Variants in KIAA1217 observed in about 807,000 individuals in gnomAD.
The protein encoded by KIAA1217 is KIAA1217.
In KIAA1217, 88 loss-of-function variants were observed where a neutral mutation model predicts 163.9. The ratio of observed to expected loss-of-function variants is 0.54; its 90% CI spans 0.45 to 0.64. The LOEUF is 0.64. Ranked by LOEUF, KIAA1217 falls within the 30% of genes least tolerant of loss-of-function variation. The pLI is 0.00. For missense variants in KIAA1217, 2,372 were observed against 2,475.0 expected (o/e 0.96, Z 0.88); for synonymous variants, 903 against 923.1 (o/e 0.98, Z 0.39).
intron 2 of KIAA1217, among the ~76,000 whole-genome samples, chr10:24,088,576 G>C (rs1347563633): frequency 5.0e-5 from 6 of 120,048 alleles, no homozygotes; most frequent in African/African-American, 1.5e-4. Flanking sequence ...ATAGTTTGCT[G>C]AGAATGATGG....
intron 1 of KIAA1217, among the ~76,000 whole-genome samples, chr10:23,853,995 T>A (rs1358343634): frequency 6.6e-6 from 1 of 152,194 alleles, no homozygotes; most frequent in Non-Finnish European, 1.5e-5. Flanking sequence ...TTTGAAGGAT[T>A]TTTGTGTCTC....
chr10:23,951,794 ATGGAAAATGGTGACTGT>A (rs1212297347), intron 1 of KIAA1217, among the ~76,000 whole-genome samples: 9 of 152,198 alleles, frequency 5.9e-5, no homozygotes, highest in Non-Finnish European at 2.9e-5. Context: ...CATTTTCCAA[ATGGAAAATGGTGACTGT>A]TTAATTCCTG....
At chr10:24,208,136 T>TTC (rs2067668545), upstream of KIAA1217, among the ~76,000 whole-genome samples, 1 of 151,978 alleles carries the variant, frequency 6.6e-6, no homozygotes, top group Non-Finnish European at 1.5e-5. Context: ...TTTTTTTTTT[T>TTC]TCGGACATCA....
At chr10:24,375,867 A>G (rs532781447) in intron 2 of KIAA1217, among the ~76,000 whole-genome samples, 6 of 152,344 alleles carry the variant, frequency 3.9e-5, no homozygotes, top group African/African-American at 1.4e-4. Context: ...CAATTAACAT[A>G]TTACGTAAAG....
intron 1 of KIAA1217, among the ~76,000 whole-genome samples, chr10:23,744,159 A>G (rs1564384340): frequency 6.6e-6 from 1 of 152,154 alleles, no homozygotes; most frequent in African/African-American, 2.4e-5. Context: ...ATGGGCTTTA[A>G]AGATAGGGGA....
intron 2 of KIAA1217, among the ~76,000 whole-genome samples, chr10:24,186,015 C>T (rs375443475): frequency 6.6e-6 from 1 of 152,058 alleles, no homozygotes; most frequent in African/African-American, 2.4e-5. Context: ...AACATATTTA[C>T]TCTAATTTCT....
intron 1 of KIAA1217, among the ~76,000 whole-genome samples, chr10:23,741,148 G>A (rs1219462642): frequency 6.6e-6 from 1 of 152,130 alleles, no homozygotes; most frequent in Non-Finnish European, 1.5e-5. Context: ...TCTTTCTACT[G>A]AATTAACTAA....
chr10:23,819,040 G>T (rs928035496), intron 1 of KIAA1217, among the ~76,000 whole-genome samples: 4 of 152,184 alleles, frequency 2.6e-5, no homozygotes, highest in Admixed American at 2.6e-4. Context: ...CCATTTTAAA[G>T]TGTGGATTAT....
intron 1 of KIAA1217, among the ~76,000 whole-genome samples, chr10:24,213,314 A>G (rs1231157665): frequency 6.6e-6 from 1 of 152,178 alleles, no homozygotes; most frequent in African/African-American, 2.4e-5. Context: ...CTCTGTCCAC[A>G]GCAGTCCTGA....
intron 1 of KIAA1217, among the ~76,000 whole-genome samples, chr10:23,996,790 T>C (rs1158157774): frequency 6.6e-6 from 1 of 152,220 alleles, no homozygotes; most frequent in East Asian, 1.9e-4. Flanking sequence ...AGTAGATTTT[T>C]CTATAAGCCT....
Position 24,531,866 on chromosome 10 carries a change from T to A in KIAA1217, c.3119T>A (p.Leu1040Gln). The A allele has an allele frequency of 1.9e-6, 3 of 1,607,860 alleles. No homozygotes were observed. The highest frequency in any genetic ancestry group is 2.6e-6 in the Non-Finnish European group (3 of 1,176,446). Residue 1040 changes from leucine (L) to glutamine (Q), a missense_variant, in exon 15 of 21, where the codon CTG becomes CAG. By Grantham distance (113) the Leu-to-Gln change is moderately radical (BLOSUM62 -2). Coordinates refer to ENST00000376454, the MANE Select transcript of KIAA1217 (RefSeq NM_019590.5). The part of the protein sequence containing the change: ...SPNSEQDLEK[L>Q]GGKSPPPPPP... ...AATTCGGAACAGGACTTGGAAAAGC[T>A]GGGGGGAAAGTCGCCCCCTCCTCCT...
chr10:24,469,604 A>T (rs997555886), intron 5 of KIAA1217, among the ~76,000 whole-genome samples: 2 of 152,066 alleles, frequency 1.3e-5, no homozygotes, highest in African/African-American at 4.8e-5. Context: ...AGGGTTCTAG[A>T]TATTATATTG....
At chr10:24,522,075 T>A in intron 12 of KIAA1217, 146 bp downstream of exon 12, 1 of 849,154 alleles carries the variant, frequency 1.2e-6, no homozygotes, top group Non-Finnish European at 1.7e-6. Context: ...TTCTCACCCT[T>A]GAACTTTTAT....
rs183915829 is a variant in KIAA1217, at chr10:23,836,998, C to T, written c.-321+141764C>T. Among the ~76,000 whole-genome samples, 10 of 152,056 alleles carry T rather than the reference C, an allele frequency of 6.6e-5. No homozygotes were observed. In the East Asian group the frequency reaches 1.7e-3, roughly 27 times the overall value. On this transcript the variant is annotated intron_variant, in intron 1 of 18. Coordinates refer to the KIAA1217 transcript ENST00000376462. ...GTGCCCATGAAGTAATTTCTCATTC[C>T]CCACCTCTCATATGCCCAGCAACCC...
At chr10:24,315,931 G>GT (rs987143923) in intron 2 of KIAA1217, among the ~76,000 whole-genome samples, 4 of 66,830 alleles carry the variant, frequency 6.0e-5, no homozygotes, top group Admixed American at 4.5e-4. Context: ...TTATCTAATG[G>GT]GGGGGGGGAA....
At chr10:23,731,206 G>C (rs749941157) in intron 1 of KIAA1217, among the ~76,000 whole-genome samples, 3 of 151,774 alleles carry the variant, frequency 2.0e-5, no homozygotes, top group Non-Finnish European at 4.4e-5. Flanking sequence ...GGGAGGGGAA[G>C]GTGGAACAGA....
At chr10:24,502,240 C>CTTTTTTTTTT (rs772404852) in intron 9 of KIAA1217, among the ~76,000 whole-genome samples, 22 of 80,626 alleles carry the variant, frequency 2.7e-4, no homozygotes, top group Admixed American at 4.7e-4. Context: ...GTCAGCCAAG[C>CTTTTTTTTTT]TTTTTTTTTT....
chr10:24,427,887 G>T (rs2059297531), intron 3 of KIAA1217, among the ~76,000 whole-genome samples: 1 of 152,162 alleles, frequency 6.6e-6, no homozygotes, highest in Non-Finnish European at 1.5e-5. Context: ...TACCTTTCCT[G>T]AATTGAGAAA....
intron 1 of KIAA1217, among the ~76,000 whole-genome samples, chr10:23,831,174 T>C (rs1035149025): frequency 2.6e-5 from 4 of 151,650 alleles, no homozygotes; most frequent in African/African-American, 7.3e-5. Flanking sequence ...ATTAAAGAGT[T>C]CAAACAGGGG....
Sources: allele counts gnomAD v4.1 joint callset (sites outside exome capture counted in the v4.1 genomes callset), GRCh38; gene constraint gnomAD v4.1.1; transcripts MANE v1.5; gene names NCBI Gene and HGNC (gene_info 2026-07-23, HGNC 2026-07-21).